The following ELMO1 variants were observed in gnomAD, a reference collection of about 807,000 sequenced individuals.
ELMO1 encodes the protein engulfment and cell motility protein 1.
A neutral mutation model predicts 98.9 loss-of-function variants in ELMO1; 26 were observed. The ratio of observed to expected loss-of-function variants is 0.26; its 90% confidence interval spans 0.19 to 0.36. ELMO1 has a LOEUF of 0.36. Ranked by LOEUF, ELMO1 falls within the 10% of genes least tolerant of loss-of-function variation. The pLI is 1.00. For synonymous variants in ELMO1, 346 were observed against 346.0 expected (o/e 1.00, Z 0.00); for missense variants, 627 against 935.2 (o/e 0.67, Z 4.30).
chr7:37,166,586 T>A (rs1181705984), intron 13 of ELMO1, among the ~76,000 whole-genome samples: 1 of 152,174 alleles, frequency 6.6e-6, no homozygotes, highest in Admixed American at 6.5e-5. Flanking sequence ...TGCCTTCATT[T>A]CGTTATGTAC....
chr7:36,915,614 G>A (rs1365716469), intron 16 of ELMO1, among the ~76,000 whole-genome samples: 1 of 152,158 alleles, frequency 6.6e-6, no homozygotes, highest in Non-Finnish European at 1.5e-5. Context: ...TCAACAACTT[G>A]GTAAACCAGA....
intron 16 of ELMO1, among the ~76,000 whole-genome samples, chr7:37,005,117 A>G (rs1390076271): frequency 1.3e-5 from 2 of 150,010 alleles, no homozygotes; most frequent in Admixed American, 6.6e-5. Flanking sequence ...CAAAAAAAAA[A>G]AAAAAAAAAA....
At chr7:37,041,771 G>A (rs570526588) in intron 15 of ELMO1, among the ~76,000 whole-genome samples, 2 of 152,234 alleles carry the variant, frequency 1.3e-5, no homozygotes, top group African/African-American at 4.8e-5. Flanking sequence ...TGGCAGAAAA[G>A]CAACCCCCAC....
At chr7:37,296,763 A>C (rs1335989674) in intron 4 of ELMO1, among the ~76,000 whole-genome samples, 1 of 152,244 alleles carries the variant, frequency 6.6e-6, no homozygotes, top group Non-Finnish European at 1.5e-5. Context: ...AGATACTTGG[A>C]TATTTATTTC....
At chr7:36,922,996 G>C (rs1785266229) in intron 16 of ELMO1, among the ~76,000 whole-genome samples, 1 of 152,162 alleles carries the variant, frequency 6.6e-6, no homozygotes, top group South Asian at 2.1e-4. Context: ...CACTGTCACA[G>C]CCCAGTCCCT....
chr7:37,179,137 C>T (rs1790683312), intron 13 of ELMO1, among the ~76,000 whole-genome samples: 1 of 152,064 alleles, frequency 6.6e-6, no homozygotes, highest in Non-Finnish European at 1.5e-5. Flanking sequence ...GTTCAGTCAA[C>T]CCCAAATTAT....
chr7:37,210,680 T>C (rs182454001), intron 13 of ELMO1, among the ~76,000 whole-genome samples: 1 of 152,182 alleles, frequency 6.6e-6, no homozygotes, highest in East Asian at 1.9e-4. Context: ...CCTGGTGATT[T>C]CTAATCACCG....
intron 8 of ELMO1, among the ~76,000 whole-genome samples, chr7:37,225,266 A>T (rs1046383549): frequency 6.6e-6 from 1 of 152,222 alleles, no homozygotes; most frequent in African/African-American, 2.4e-5. Context: ...GTTTTAAAAA[A>T]GACACACCTC....
At chr7:36,889,503 C>G (rs114862740) in intron 17 of ELMO1, among the ~76,000 whole-genome samples, 2 of 152,150 alleles carry the variant, frequency 1.3e-5, no homozygotes, top group Admixed American at 6.5e-5. Flanking sequence ...GACAAAGGCA[C>G]GGTACCAGAG....
intron 16 of ELMO1, among the ~76,000 whole-genome samples, chr7:36,981,966 G>A (rs1215071763): frequency 6.6e-6 from 1 of 152,230 alleles, no homozygotes; most frequent in African/African-American, 2.4e-5. Context: ...CTGGCCTAGT[G>A]TGCAAGGAAT....
chr7:36,904,167 T>C (rs1584343705), intron 16 of ELMO1, among the ~76,000 whole-genome samples: 1 of 152,210 alleles, frequency 6.6e-6, no homozygotes, highest in Non-Finnish European at 1.5e-5. Flanking sequence ...TGGGCAGCAA[T>C]GAGTGCCCAC....
intron 16 of ELMO1, among the ~76,000 whole-genome samples, chr7:36,908,181 A>G (rs1784095630): frequency 6.6e-6 from 1 of 152,242 alleles, no homozygotes; most frequent in Admixed American, 6.5e-5. Flanking sequence ...GTAAGGACAT[A>G]GTTATGGGTC....
At chr7:37,257,520 C>A (rs1007246008) in intron 6 of ELMO1, among the ~76,000 whole-genome samples, 1 of 151,446 alleles carries the variant, frequency 6.6e-6, no homozygotes, top group Non-Finnish European at 1.5e-5. Context: ...GTCAAGAGAT[C>A]GAGACCATCC....
intron 16 of ELMO1, among the ~76,000 whole-genome samples, chr7:36,927,405 G>A (rs1311969566): frequency 2.6e-5 from 4 of 152,210 alleles, no homozygotes; most frequent in South Asian, 2.1e-4. Flanking sequence ...ACACTTTTAC[G>A]TGTTATGCCT....
At chr7:37,021,012 A>G (rs532328135) in intron 15 of ELMO1, among the ~76,000 whole-genome samples, 3 of 152,234 alleles carry the variant, frequency 2.0e-5, no homozygotes, top group Non-Finnish European at 4.4e-5. Context: ...ATGCAGATGT[A>G]TATTTATTCC....
intron 16 of ELMO1, among the ~76,000 whole-genome samples, chr7:36,903,083 C>T (rs998319682): frequency 5.3e-5 from 8 of 152,222 alleles, no homozygotes; most frequent in East Asian, 1.9e-4. Flanking sequence ...AATGCATTGC[C>T]GTCTACCTGC....
chr7:37,040,922 CA>C (rs202128440), intron 15 of ELMO1, among the ~76,000 whole-genome samples: 1 of 151,506 alleles, frequency 6.6e-6, no homozygotes, highest in African/African-American at 2.4e-5. Context: ...ACTAAAAATA[CA>C]AAAAAAATCA....
At chr7:37,174,660 T>C (rs1229354561) in intron 13 of ELMO1, among the ~76,000 whole-genome samples, 1 of 152,102 alleles carries the variant, frequency 6.6e-6, no homozygotes, top group Non-Finnish European at 1.5e-5. Context: ...GTCCCATGGG[T>C]ACAACAAACT....
At chr7:36,924,961 C>G (rs1785423063) in intron 16 of ELMO1, among the ~76,000 whole-genome samples, 1 of 152,132 alleles carries the variant, frequency 6.6e-6, no homozygotes, top group African/African-American at 2.4e-5. Context: ...ACAGTTTTAC[C>G]CACTGTGGGA....
Sources: allele counts gnomAD v4.1 joint callset (sites outside exome capture counted in the v4.1 genomes callset), GRCh38; gene constraint gnomAD v4.1.1; transcripts MANE v1.5; gene names NCBI Gene and HGNC (gene_info 2026-07-23, HGNC 2026-07-21).